Variants in SLC22A8 observed in about 807,000 individuals in gnomAD.
SLC22A8 encodes solute carrier family 22 member 8.
In SLC22A8, 40 loss-of-function variants were observed where a neutral mutation model predicts 48.4. The observed-to-expected ratio is 0.83, with a 90% CI of 0.64 to 1.08. The LOEUF (loss-of-function observed/expected upper bound fraction) is 1.08. Ranked by LOEUF, SLC22A8 falls within the 50% of genes least tolerant of loss-of-function variation. SLC22A8 has a pLI of 0.00. For synonymous variants in SLC22A8, 268 were observed against 286.3 expected (o/e 0.94, Z 0.65); for missense variants, 606 against 699.0 (o/e 0.87, Z 1.50).
rs2086369009 is a variant in SLC22A8, at chr11:62,993,492, A to G, written c.1461T>C (p.Ser487=). The change falls in exon 10 of 11, where the codon AGT becomes AGC. Residue 487 remains serine, a synonymous_variant. Transcript: ENST00000336232. ...GGGTCTCAGGCAGGAAGAGGGCAGCACTGCCCCCGAGGAGGGCGGTGATCC... is the reference window on the plus strand; with the variant it reads ...GGGTCTCAGGCAGGAAGAGGGCAGCGCTGCCCCCGAGGAGGGCGGTGATCC... ...IYGITALLGG[S]AALFLPETLN... is the part of the protein sequence containing the mutation. The G allele has an allele frequency of 6.2e-7, 1 of 1,614,184 alleles. No homozygotes were observed. The highest frequency in any genetic ancestry group is 8.5e-7 in the Non-Finnish European group (1 of 1,180,022).
In SLC22A8 at chr11:63,014,948, G is replaced by A. The variant is rs146789686; in HGVS notation, c.11C>T (p.Ser4Leu). 7.1e-6 allele frequency: 11 copies of A among 1,548,740 alleles called. No homozygotes were observed. Among genetic ancestry groups the A allele is most frequent in the South Asian group, 2.5e-5 (2 of 81,264 alleles). The change falls in exon 2 of 11, where the codon TCG becomes TTG. Residue 4 changes from serine (S) to leucine (L), a missense_variant. Physicochemically the swap from Ser to Leu is moderately radical, Grantham distance 145 (BLOSUM62 -2). Coordinates refer to ENST00000336232, the MANE Select transcript of SLC22A8 (RefSeq NM_004254.4). The part of the protein sequence containing the change: MTF[S>L]EILDRVGSMG... ...GCTTCCCACACGGTCCAGGATCTCC[G>A]AGAAGGTCATGGCACTGGGGCAAGA... is the stretch of plus-strand genomic sequence containing the variant.
chr11:63,010,750 G>A (rs2086610032), intron 2 of SLC22A8, among the ~76,000 whole-genome samples: 1 of 152,244 alleles, frequency 6.6e-6, no homozygotes, highest in South Asian at 2.1e-4. Flanking sequence ...CGTCCTGCTG[G>A]GATGGCGGTT....
chr11:62,998,887 T>C, intron 5 of SLC22A8, 34 bp downstream of exon 5: 1 of 1,573,718 alleles, frequency 6.4e-7, no homozygotes. Flanking sequence ...CTGGGGCACC[T>C]AAGGAAACAG....
At chr11:62,993,990 C>G (rs2086377719) in intron 8 of SLC22A8, 112 bp from the exon 9 acceptor site, 1 of 715,350 alleles carries the variant, frequency 1.4e-6, no homozygotes, top group South Asian at 1.6e-5. Flanking sequence ...AAGCTCAGAT[C>G]CAAACTTAAA....
chr11:62,999,909 A>G, intron 3 of SLC22A8, 67 bp from the exon 4 acceptor site: 1 of 1,354,248 alleles, frequency 7.4e-7, no homozygotes, highest in Non-Finnish European at 9.7e-7. Context: ...GTGACTCTGC[A>G]TGCTGTGGGG....
Position 62,996,124 on chromosome 11 carries a change from C to T in SLC22A8, c.790G>A (p.Val264Ile), listed in dbSNP as rs1025345029. ...GCCTTCGAGGACTTTCCAGACAAGACCAACCAGCGTATGGACTCTGGTGTC... is the reference window on the plus strand; with the variant it reads ...GCCTTCGAGGACTTTCCAGACAAGATCAACCAGCGTATGGACTCTGGTGTC... Reference protein sequence around the residue: ...WWTPESIRWLVLSGKSSKALK... With the variant: ...WWTPESIRWLILSGKSSKALK... Residue 264 changes from valine to isoleucine, a missense_variant, in exon 6 of 11, where the codon GTC (valine) becomes ATC (isoleucine). By Grantham distance (29) the Val-to-Ile change is conservative. Coordinates refer to ENST00000336232, the MANE Select transcript of SLC22A8 (RefSeq NM_004254.4). The T allele has an allele frequency of 6.2e-7, 1 of 1,611,926 alleles. No individual in the cohort carries two copies. The highest frequency in any genetic ancestry group is 8.5e-7 in the Non-Finnish European group (1 of 1,178,996).
intron 3 of SLC22A8, 58 bp downstream of exon 3, chr11:63,000,662 G>C (rs1294024820): frequency 5.7e-5 from 71 of 1,253,444 alleles, no homozygotes; most frequent in Non-Finnish European, 8.0e-5. Flanking sequence ...GTGGAGCAGA[G>C]TAGGGAAGGG....
intron 2 of SLC22A8, among the ~76,000 whole-genome samples, chr11:63,004,910 A>G (rs1216612611): frequency 6.6e-6 from 1 of 152,180 alleles, no homozygotes; most frequent in Admixed American, 6.5e-5. Flanking sequence ...CACACTCCAA[A>G]TGCTATGTGC....
rs2086387995 is a variant in SLC22A8, at chr11:62,994,637, A to G, written c.1121T>C (p.Ile374Thr). The change falls in exon 8 of 11, where the codon ATC becomes ACC. Residue 374 changes from isoleucine (I) to threonine (T), a missense_variant. Physicochemically the swap from Ile to Thr is moderately conservative, Grantham distance 89. Transcript: ENST00000336232. ...CCGGCCCAGGTAGCTTAAGGAGAGGATGGTGATGAACTTGGCTGGGACATC... is the reference window on the plus strand; with the variant it reads ...CCGGCCCAGGTAGCTTAAGGAGAGGGTGGTGATGAACTTGGCTGGGACATC... ...GVDVPAKFIT[I>T]LSLSYLGRHT... is the part of the protein sequence containing the mutation. 1 of 1,614,048 alleles carries G rather than the reference A, an allele frequency of 6.2e-7. No homozygotes were observed. The highest frequency in any genetic ancestry group is 1.3e-5 in the African/African-American group (1 of 74,926).
At chr11:62,998,714 C>G (rs1386984238) in intron 5 of SLC22A8, among the ~76,000 whole-genome samples, 2 of 152,212 alleles carry the variant, frequency 1.3e-5, no homozygotes, top group Non-Finnish European at 2.9e-5. Context: ...CAGCTGCAGG[C>G]AGGCCCTCCT....
chr11:63,013,088 G>A lies in SLC22A8; in HGVS notation c.333+1538C>T, dbSNP rs115080666. Reference sequence around the variant, plus strand: ...CTTCAGTTTCCCCATCTGAGAGAGAGAATTACAATACAAACTATCTTACAG... The same window carrying A: ...CTTCAGTTTCCCCATCTGAGAGAGAAAATTACAATACAAACTATCTTACAG... On this transcript the variant is annotated intron_variant, in intron 2 of 10. Coordinates refer to ENST00000336232, the MANE Select transcript of SLC22A8 (RefSeq NM_004254.4). 3.6e-3 allele frequency among the ~76,000 whole-genome samples: 549 copies of A among 152,236 alleles called. 5 individuals carry two copies. The highest frequency in any genetic ancestry group is 0.012 in the African/African-American group (511 of 41,508).
chr11:63,006,597 T>A (rs1360268783), intron 2 of SLC22A8, among the ~76,000 whole-genome samples: 1 of 77,324 alleles, frequency 1.3e-5, no homozygotes, highest in East Asian at 3.0e-4. Context: ...TCATTTGAGT[T>A]TTTTTTTTTT....
At chr11:63,012,874 C>G (rs2086635086) in intron 2 of SLC22A8, among the ~76,000 whole-genome samples, 1 of 152,144 alleles carries the variant, frequency 6.6e-6, no homozygotes, top group Admixed American at 6.6e-5. Flanking sequence ...TAAATGGATA[C>G]TTGATGGGTT....
At chr11:63,005,735 A>G (rs749547485) in intron 2 of SLC22A8, among the ~76,000 whole-genome samples, 33 of 152,174 alleles carry the variant, frequency 2.2e-4, no homozygotes, top group Non-Finnish European at 4.1e-4. Context: ...GTTTCCGGCA[A>G]CCACCAGAAG....
Position 63,014,648 on chromosome 11 carries a change from G to T in SLC22A8, c.311C>A (p.Thr104Asn). The change falls in exon 2 of 11, where the codon ACC becomes AAC. Residue 104 changes from threonine to asparagine, a missense_variant. Coordinates refer to ENST00000336232, the MANE Select transcript of SLC22A8 (RefSeq NM_004254.4). The part of the protein sequence containing the change: ...PCLDGWVYNS[T>N]KDSIVTEWDL... ...TACCTCTGTCACAATGGAGTCCTTG[G>T]TGCTGTTGTAGACCCAGCCATCCAG... The T allele has an allele frequency of 1.2e-6, 2 of 1,601,060 alleles. No individual in the cohort carries two copies. Among genetic ancestry groups the T allele is most frequent in the Non-Finnish European group, 1.7e-6 (2 of 1,170,166 alleles).
intron 5 of SLC22A8, among the ~76,000 whole-genome samples, chr11:62,997,280 A>G (rs1215174163): frequency 6.6e-6 from 1 of 152,120 alleles, no homozygotes; most frequent in East Asian, 1.9e-4. Flanking sequence ...GCTGGAGTGC[A>G]ATGGCATGAT....
At chr11:63,012,189 C>T (rs957006735) in intron 2 of SLC22A8, among the ~76,000 whole-genome samples, 45 of 152,044 alleles carry the variant, frequency 3.0e-4, no homozygotes, top group African/African-American at 1.1e-3. Context: ...AGGGTTTCAC[C>T]ATATTGGCCA....
intron 2 of SLC22A8, among the ~76,000 whole-genome samples, chr11:63,003,895 C>T (rs536276092): frequency 3.3e-5 from 5 of 152,286 alleles, no homozygotes; most frequent in African/African-American, 1.2e-4. Flanking sequence ...AAATGCTACT[C>T]ACCTTGGAAC....
At chr11:62,996,274 G>A in intron 5 of SLC22A8, 122 bp from the exon 6 acceptor site, 1 of 969,776 alleles carries the variant, frequency 1.0e-6, no homozygotes, top group Non-Finnish European at 1.5e-6. Flanking sequence ...CTATCTCACT[G>A]CAGATTTCAT....
Sources: allele counts gnomAD v4.1 joint callset (sites outside exome capture counted in the v4.1 genomes callset), GRCh38; gene constraint gnomAD v4.1.1; transcripts MANE v1.5; gene names NCBI Gene and HGNC (gene_info 2026-07-23, HGNC 2026-07-21).